The following EGF variants were observed in gnomAD, a reference collection of about 807,000 sequenced individuals.
EGF encodes pro-epidermal growth factor.
EGF carries 95 observed loss-of-function variants against 143.8 expected under a neutral mutation model. That is an observed-to-expected ratio of 0.66 (90% CI 0.56 to 0.78). The LOEUF is 0.78. Ranked by LOEUF, EGF falls within the 30% of genes least tolerant of loss-of-function variation. The probability of loss-of-function intolerance (pLI) is 0.00; values close to 1 mark genes in which losing one functional copy is unlikely to be tolerated. For synonymous variants in EGF, 510 were observed against 510.5 expected (o/e 1.00, Z 0.01); for missense variants, 1,320 against 1,470.9 (o/e 0.90, Z 1.68).
chr4:109,999,858 T>C lies in EGF; in HGVS notation c.3173+12T>C. Reference sequence around the variant, plus strand: ...GCCCACTACTACAGGTGACCCTGTCTTTCCTTTGGTACTGGAAACCTCTTT... The same window carrying C: ...GCCCACTACTACAGGTGACCCTGTCCTTCCTTTGGTACTGGAAACCTCTTT... On this transcript the variant is annotated intron_variant, in intron 21 of 23. Transcript: ENST00000265171. 2 of 1,612,872 alleles carry C rather than the reference T, an allele frequency of 1.2e-6. No individual in the cohort carries two copies. Among genetic ancestry groups the C allele is most frequent in the Non-Finnish European group, 8.5e-7 (1 of 1,180,014 alleles).
intron 22 of EGF, among the ~76,000 whole-genome samples, chr4:110,006,913 A>G (rs149963624): frequency 9.8e-5 from 15 of 152,338 alleles, no homozygotes; most frequent in African/African-American, 3.6e-4. Context: ...ATGTAGTTCT[A>G]TCAGCTCCTT....
At chr4:109,979,670 CTTTCTCCT>C (rs1749038014) in intron 13 of EGF, among the ~76,000 whole-genome samples, 1 of 152,118 alleles carries the variant, frequency 6.6e-6, no homozygotes, top group Non-Finnish European at 1.5e-5. Flanking sequence ...AAAATTCCAC[CTTTCTCCT>C]TCATGGGGCT....
At chr4:109,938,909 A>C (rs1007907544) in intron 1 of EGF, among the ~76,000 whole-genome samples, 4 of 152,130 alleles carry the variant, frequency 2.6e-5, no homozygotes, top group Admixed American at 2.6e-4. Flanking sequence ...CCAGAGGGGC[A>C]CTTGCCTGTA....
At chr4:109,918,387 A>C (rs930333057) in intron 1 of EGF, among the ~76,000 whole-genome samples, 2 of 152,164 alleles carry the variant, frequency 1.3e-5, no homozygotes, top group South Asian at 2.1e-4. Context: ...GTGGAAGGCC[A>C]GATGATGTTC....
intron 21 of EGF, among the ~76,000 whole-genome samples, chr4:110,000,580 G>C (rs1359664278): frequency 6.6e-6 from 1 of 152,138 alleles, no homozygotes; most frequent in Non-Finnish European, 1.5e-5. Flanking sequence ...CTGGTCCTCA[G>C]ATTTTGTGCT....
intron 1 of EGF, among the ~76,000 whole-genome samples, chr4:109,920,863 G>C (rs1449690093): frequency 6.6e-6 from 1 of 151,558 alleles, no homozygotes; most frequent in Non-Finnish European, 1.5e-5. Flanking sequence ...CTAGATATTA[G>C]GTGAACTAAG....
In EGF at chr4:109,994,722, G is replaced by C. The variant is rs370698699; in HGVS notation, c.2858-11G>C. On this transcript the variant is annotated splice_polypyrimidine_tract_variant and intron_variant, in intron 19 of 23. Coordinates refer to ENST00000265171, the MANE Select transcript of EGF (RefSeq NM_001963.6). ...TTCAGAAAGTAAAAGTAATGTCTTG[G>C]GTTCTTTTAGACTCTACTCCACCCC... The C allele has an allele frequency of 6.2e-7, 1 of 1,613,650 alleles. No homozygotes were observed. The highest frequency in any genetic ancestry group is 8.5e-7 in the Non-Finnish European group (1 of 1,179,864).
At chr4:109,923,200 T>C (rs754748669) in intron 1 of EGF, among the ~76,000 whole-genome samples, 14 of 151,564 alleles carry the variant, frequency 9.2e-5, no homozygotes, top group Non-Finnish European at 2.1e-4. Flanking sequence ...GCTGTACCTA[T>C]AGGTATATAT....
chr4:109,932,492 C>T (rs1034107857), intron 1 of EGF, among the ~76,000 whole-genome samples: 1 of 150,196 alleles, frequency 6.7e-6, no homozygotes, highest in African/African-American at 2.4e-5. Context: ...CATTCTCCTG[C>T]CTCAGCCTCC....
chr4:109,938,992 A>T (rs1741424841), intron 1 of EGF, among the ~76,000 whole-genome samples: 1 of 152,164 alleles, frequency 6.6e-6, no homozygotes, highest in African/African-American at 2.4e-5. Flanking sequence ...CCACTTGAGG[A>T]GGCAGTGTGT....
intron 20 of EGF, 90 bp downstream of exon 20, chr4:109,994,970 T>C (rs1374562655): frequency 6.5e-6 from 10 of 1,549,692 alleles, no homozygotes; most frequent in Non-Finnish European, 8.9e-6. Flanking sequence ...TCAGGATGTT[T>C]TTCTGCAATT....
intron 1 of EGF, among the ~76,000 whole-genome samples, chr4:109,933,454 C>T (rs937793956): frequency 1.3e-5 from 2 of 149,198 alleles, no homozygotes; most frequent in African/African-American, 5.0e-5. Flanking sequence ...TTAAGTTCTA[C>T]AGTACATGTG....
chr4:109,989,450 C>G (rs994029959), intron 18 of EGF, among the ~76,000 whole-genome samples: 2 of 152,128 alleles, frequency 1.3e-5, no homozygotes, highest in African/African-American at 4.8e-5. Flanking sequence ...TTCTTTCCCT[C>G]CTTCTGAAAA....
At chr4:109,974,226 T>G (rs1230624371) in intron 11 of EGF, among the ~76,000 whole-genome samples, 1 of 152,174 alleles carries the variant, frequency 6.6e-6, no homozygotes, top group African/African-American at 2.4e-5. Context: ...AAGGGACAAT[T>G]TTACTCCCAT....
chr4:109,939,287 G>A (rs970635522), intron 1 of EGF, among the ~76,000 whole-genome samples: 1 of 152,194 alleles, frequency 6.6e-6, no homozygotes, highest in African/African-American at 2.4e-5. Context: ...ATCCCAGATC[G>A]ATCTCAGACT....
chr4:109,932,872 G>C (rs1190126345), intron 1 of EGF, among the ~76,000 whole-genome samples: 1 of 152,086 alleles, frequency 6.6e-6, no homozygotes, highest in African/African-American at 2.4e-5. Flanking sequence ...TAGTAGCTAT[G>C]AGTTTAAGGT....
chr4:109,946,345 A>G (rs1198157548), intron 5 of EGF, among the ~76,000 whole-genome samples: 1 of 152,290 alleles, frequency 6.6e-6, no homozygotes, highest in Non-Finnish European at 1.5e-5. Context: ...TATTTGACCA[A>G]CCTGCTCTAG....
intron 1 of EGF, among the ~76,000 whole-genome samples, chr4:109,928,327 G>C (rs1328753239): frequency 6.6e-6 from 1 of 152,168 alleles, no homozygotes; most frequent in South Asian, 2.1e-4. Flanking sequence ...AGGGTAAGGT[G>C]GGGTTAGGTT....
intron 13 of EGF, among the ~76,000 whole-genome samples, chr4:109,979,433 G>A (rs1748989229): frequency 6.6e-6 from 1 of 152,000 alleles, no homozygotes; most frequent in African/African-American, 2.4e-5. Flanking sequence ...TAAGGAGAGA[G>A]GGGAAAGAAG....
Sources: gnomAD v4.1 joint callset for allele counts (sites outside exome capture counted in the v4.1 genomes callset) on GRCh38, gnomAD v4.1.1 for gene constraint, MANE v1.5 for transcripts, NCBI Gene and HGNC (gene_info 2026-07-23, HGNC 2026-07-21) for gene names.